Variants in PTPRT observed in about 807,000 individuals in gnomAD.
The protein encoded by PTPRT is receptor-type tyrosine-protein phosphatase T.
PTPRT carries 56 observed loss-of-function variants against 176.8 expected under a neutral mutation model. The ratio of observed to expected loss-of-function variants is 0.32; its 90% CI spans 0.26 to 0.40. The LOEUF (loss-of-function observed/expected upper bound fraction) is 0.40, where lower values mean the gene tolerates loss of function less well. PTPRT is among the 10% of genes least tolerant of loss of function. The probability of loss-of-function intolerance (pLI) is 1.00; values close to 1 mark genes in which losing one functional copy is unlikely to be tolerated. For synonymous variants in PTPRT, 783 were observed against 739.0 expected (o/e 1.06, Z -0.96); for missense variants, 1,540 against 1,908.2 (o/e 0.81, Z 3.60).
intron 2 of PTPRT, among the ~76,000 whole-genome samples, chr20:42,867,813 C>T (rs1181999504): frequency 6.6e-6 from 1 of 151,232 alleles, no homozygotes; most frequent in Non-Finnish European, 1.5e-5. Flanking sequence ...TCCCAAGAAG[C>T]TGGGATTACA....
chr20:42,457,562 G>T (rs559338601), intron 8 of PTPRT, among the ~76,000 whole-genome samples: 48 of 152,130 alleles, frequency 3.2e-4, no homozygotes, highest in Non-Finnish European at 5.9e-4. Context: ...TGGTTTAATG[G>T]GTCATTCTGC....
intron 5 of PTPRT, among the ~76,000 whole-genome samples, chr20:42,761,090 C>T (rs1283586397): frequency 6.6e-6 from 1 of 152,108 alleles, no homozygotes; most frequent in African/African-American, 2.4e-5. Flanking sequence ...GGTTCTCGAA[C>T]CATGGTCCCC....
At chr20:43,084,184 G>A (rs1445654520) in intron 1 of PTPRT, among the ~76,000 whole-genome samples, 7 of 152,116 alleles carry the variant, frequency 4.6e-5, no homozygotes, top group Admixed American at 3.9e-4. Flanking sequence ...AGTGACTGCC[G>A]AACTGTTTTT....
chr20:42,476,947 T>G (rs1203182041), intron 7 of PTPRT, among the ~76,000 whole-genome samples: 1 of 152,212 alleles, frequency 6.6e-6, no homozygotes, highest in African/African-American at 2.4e-5. Context: ...AAATCACAGA[T>G]GGGTCTGGGA....
At chr20:42,969,997 T>C (rs1982527708) in intron 1 of PTPRT, among the ~76,000 whole-genome samples, 1 of 152,098 alleles carries the variant, frequency 6.6e-6, no homozygotes, top group Admixed American at 6.6e-5. Flanking sequence ...TTTCCTGAGG[T>C]TACAGAGCTC....
intron 7 of PTPRT, among the ~76,000 whole-genome samples, chr20:42,567,298 A>AGG (rs2145672424): frequency 6.6e-6 from 1 of 150,690 alleles, no homozygotes; most frequent in South Asian, 2.1e-4. Context: ...TAAAAGAGAG[A>AGG]GAGAGAGAGA....
chr20:43,036,084 A>G (rs1380525330), intron 1 of PTPRT, among the ~76,000 whole-genome samples: 1 of 152,222 alleles, frequency 6.6e-6, no homozygotes. Flanking sequence ...GCTGGAGAAA[A>G]AACTCCTTCT....
chr20:42,265,076 C>A (rs2056816387), intron 13 of PTPRT, among the ~76,000 whole-genome samples: 1 of 152,180 alleles, frequency 6.6e-6, no homozygotes. Context: ...TCTCATGATT[C>A]TTCTCAATAA....
At chr20:42,752,376 G>A (rs1336951229) in intron 6 of PTPRT, among the ~76,000 whole-genome samples, 1 of 152,172 alleles carries the variant, frequency 6.6e-6, no homozygotes, top group African/African-American at 2.4e-5. Flanking sequence ...GTTCCCAGAT[G>A]AGCCAGCTGA....
At chr20:42,595,895 G>C (rs1231559241) in intron 7 of PTPRT, among the ~76,000 whole-genome samples, 1 of 152,110 alleles carries the variant, frequency 6.6e-6, no homozygotes, top group Non-Finnish European at 1.5e-5. Context: ...ACTGTGCCAG[G>C]CCTGTCCAAG....
chr20:42,836,647 C>A (rs2078186200), intron 2 of PTPRT, among the ~76,000 whole-genome samples: 1 of 152,170 alleles, frequency 6.6e-6, no homozygotes, highest in Non-Finnish European at 1.5e-5. Flanking sequence ...AGCTTTGGAA[C>A]CAAACAGCCC....
intron 2 of PTPRT, among the ~76,000 whole-genome samples, chr20:42,806,256 C>T (rs924453965): frequency 6.6e-6 from 1 of 152,020 alleles, no homozygotes; most frequent in African/African-American, 2.4e-5. Context: ...GAGTCCAAGG[C>T]AGGTGGATCA....
intron 7 of PTPRT, among the ~76,000 whole-genome samples, chr20:42,543,674 A>G (rs948974454): frequency 6.6e-6 from 1 of 151,950 alleles, no homozygotes; most frequent in African/African-American, 2.4e-5. Context: ...TATTTTGCCC[A>G]TATCCATCAG....
intron 1 of PTPRT, among the ~76,000 whole-genome samples, chr20:43,109,710 T>C (rs1568790535): frequency 6.6e-6 from 1 of 151,880 alleles, no homozygotes; most frequent in Non-Finnish European, 1.5e-5. Context: ...TAGAAAAATA[T>C]AGGGAACATG....
chr20:42,271,389 G>C (rs752809259), intron 13 of PTPRT, among the ~76,000 whole-genome samples: 3 of 152,204 alleles, frequency 2.0e-5, no homozygotes, highest in Non-Finnish European at 4.4e-5. Context: ...TCTTTAGTAC[G>C]TCAGTGAATC....
the PTPRT span, among the ~76,000 whole-genome samples, chr20:42,033,877 T>A: frequency 6.6e-6 from 1 of 152,182 alleles, no homozygotes. Context: ...TTTTCTTACC[T>A]TTCTCTGTTG....
chr20:42,716,030 G>A (rs2076217666), intron 6 of PTPRT, among the ~76,000 whole-genome samples: 1 of 152,072 alleles, frequency 6.6e-6, no homozygotes, highest in African/African-American at 2.4e-5. Flanking sequence ...AAGTACTTGT[G>A]CAGTGGGACT....
At chr20:43,173,148 G>A (rs1204162460) in intron 1 of PTPRT, among the ~76,000 whole-genome samples, 1 of 152,000 alleles carries the variant, frequency 6.6e-6, no homozygotes, top group East Asian at 1.9e-4. Flanking sequence ...ACCACCACAT[G>A]GTTCATGACA....
chr20:43,166,382 A>G (rs79238974), intron 1 of PTPRT, among the ~76,000 whole-genome samples: 6,489 of 151,742 alleles, frequency 0.043, 194 homozygotes, highest in Non-Finnish European at 0.067. Context: ...TATTTGAATC[A>G]CTGAAGGCTT....
Sources: gnomAD v4.1 joint callset for allele counts (sites outside exome capture counted in the v4.1 genomes callset) on GRCh38, gnomAD v4.1.1 for gene constraint, MANE v1.5 for transcripts, NCBI Gene and HGNC (gene_info 2026-07-23, HGNC 2026-07-21) for gene names.